The following SRP19 variants were observed in gnomAD, a reference collection of about 807,000 sequenced individuals.
SRP19 encodes signal recognition particle 19 kDa protein.
SRP19 carries 11 observed loss-of-function variants against 22.4 expected under a neutral mutation model. The observed-to-expected ratio is 0.49, with a 90% confidence interval of 0.31 to 0.81. SRP19 has a LOEUF of 0.81. Ranked by LOEUF, SRP19 falls within the 40% of genes least tolerant of loss-of-function variation. SRP19 has a pLI of 0.05. For synonymous variants in SRP19, 61 were observed against 57.6 expected (o/e 1.06, Z -0.27); for missense variants, 168 against 175.9 (o/e 0.96, Z 0.25).
chr5:112,890,316 A>G (rs1055897266), intron 4 of SRP19, among the ~76,000 whole-genome samples: 2 of 150,306 alleles, frequency 1.3e-5, no homozygotes, highest in Non-Finnish European at 2.9e-5. Flanking sequence ...GTTGATATAT[A>G]AAACAACCTA....
At position 112,867,723 on chromosome 5, in the gene SRP19, C is replaced by T. The variant is rs1033002206; in HGVS notation, c.*186C>T. The T allele has an allele frequency of 1.4e-5, 18 of 1,305,552 alleles. No individual in the cohort carries two copies. The highest frequency in any genetic ancestry group is 7.0e-5 in the Admixed American group (2 of 28,462). The allele number at this position is 1,305,552 out of a possible 1,614,324, so 80.9% of individuals were successfully genotyped here. ...ATTTACATCAGAAGTTTGCATCTCG[C>T]GTATATGCCGTATAAAAGAATTTTT... On this transcript the variant is annotated 3_prime_UTR_variant, in exon 5 of 5. Transcript: ENST00000505459.
downstream of SRP19, among the ~76,000 whole-genome samples, chr5:112,873,922 G>A (rs1319595095): frequency 2.0e-5 from 3 of 152,014 alleles, no homozygotes; most frequent in Non-Finnish European, 4.4e-5. Flanking sequence ...TCAGCACTTT[G>A]GGAGGCTGAG....
downstream of SRP19, among the ~76,000 whole-genome samples, chr5:112,871,243 A>AT (rs10592964): frequency 0.035 from 3,300 of 93,904 alleles, 252 homozygotes; most frequent in East Asian, 0.099. Context: ...CAATCAGTGA[A>AT]TTTTTTTTTT....
intron 4 of SRP19, chr5:112,878,974 T>A: frequency 7.3e-7 from 1 of 1,376,574 alleles, no homozygotes; most frequent in Non-Finnish European, 1.0e-6. Context: ...ATGTTGGGGT[T>A]TGTGGTCTGG....
chr5:112,861,517 T>G, intron 1 of SRP19, 100 bp downstream of exon 1: 3 of 1,323,024 alleles, frequency 2.3e-6, no homozygotes, highest in Non-Finnish European at 3.2e-6. Context: ...CAGAATGGCC[T>G]AGCTGATCCA....
At chr5:112,864,335 GA>G (rs1238075442) in intron 2 of SRP19, 121 bp from the exon 3 acceptor site, 3 of 827,136 alleles carry the variant, frequency 3.6e-6, no homozygotes, top group African/African-American at 3.5e-5. Context: ...TGTACTTAAT[GA>G]AAAAGGAAAC....
downstream of SRP19, among the ~76,000 whole-genome samples, chr5:112,872,228 G>A (rs951629459): frequency 1.3e-5 from 2 of 151,886 alleles, no homozygotes; most frequent in African/African-American, 4.8e-5. Context: ...TGAAGGACCA[G>A]CAGCACTGGC....
At chr5:112,891,484 A>G in intron 4 of SRP19, 1 of 996,110 alleles carries the variant, frequency 1.0e-6, no homozygotes, top group African/African-American at 1.6e-5. Context: ...AACAAAATGA[A>G]AGTAATTTGT....
At chr5:112,878,673 C>T in intron 4 of SRP19, 2 of 1,445,204 alleles carry the variant, frequency 1.4e-6, no homozygotes, top group South Asian at 2.6e-5. Flanking sequence ...TTTAATATCT[C>T]AAAAATGTTT....
intron 4 of SRP19, chr5:112,876,473 T>C (rs965300371): frequency 6.6e-5 from 10 of 152,218 alleles, no homozygotes; most frequent in Non-Finnish European, 1.5e-4. Flanking sequence ...GTGAAGGGTG[T>C]GCTCATTTTC....
chr5:112,895,327 G>A (rs1768650041), downstream of SRP19: 1 of 150,948 alleles, frequency 6.6e-6, no homozygotes, highest in South Asian at 2.1e-4. Context: ...CTCTTCTGCA[G>A]AGTTTTAGGA....
downstream of SRP19, chr5:112,893,378 C>A (rs1336974751): frequency 1.0e-5 from 2 of 200,778 alleles, no homozygotes; most frequent in Non-Finnish European, 2.0e-5. Flanking sequence ...CCACTTCACT[C>A]CAGCCTGGGT....
chr5:112,889,898 C>G (rs1768381481), intron 4 of SRP19, among the ~76,000 whole-genome samples: 2 of 148,818 alleles, frequency 1.3e-5, no homozygotes, highest in African/African-American at 2.5e-5. Context: ...ACAATATCAG[C>G]TCACTGCAAC....
At chr5:112,866,689 C>T (rs1038233654) in intron 4 of SRP19, among the ~76,000 whole-genome samples, 5 of 152,126 alleles carry the variant, frequency 3.3e-5, no homozygotes, top group African/African-American at 1.2e-4. Context: ...TTGCTAGATG[C>T]TTCAGGTTGT....
chr5:112,874,884 T>C (rs1356086743), intron 4 of SRP19, among the ~76,000 whole-genome samples: 1 of 151,860 alleles, frequency 6.6e-6, no homozygotes, highest in Non-Finnish European at 1.5e-5. Context: ...CAAGCCATTC[T>C]CCTGCCTCAG....
chr5:112,867,225 G>A, intron 4 of SRP19, 179 bp from the exon 5 acceptor site: 1 of 635,432 alleles, frequency 1.6e-6, no homozygotes, highest in Non-Finnish European at 2.6e-6. Flanking sequence ...CTCACTCTCA[G>A]TACATTTCCC....
At chr5:112,891,817 G>C (rs1193622083) in exon 5 of SRP19, 22 of 1,588,946 alleles carry the variant, frequency 1.4e-5, no homozygotes, top group Admixed American at 3.3e-5. Flanking sequence ...TTTTATTGAA[G>C]AACAACAACT....
At chr5:112,892,598 T>C (rs1163853797) in exon 5 of SRP19, 1 of 1,614,184 alleles carries the variant, frequency 6.2e-7, no homozygotes, top group South Asian at 1.1e-5. Context: ...TGTGGTTTAT[T>C]TGAAATACAA....
chr5:112,883,752 A>G (rs1768146574), intron 4 of SRP19, among the ~76,000 whole-genome samples: 1 of 152,220 alleles, frequency 6.6e-6, no homozygotes, highest in Middle Eastern at 3.4e-3. Flanking sequence ...CCTCAAACAA[A>G]TGTCCAGGAC....
Sources: allele counts gnomAD v4.1 joint callset (sites outside exome capture counted in the v4.1 genomes callset), GRCh38; gene constraint gnomAD v4.1.1; transcripts MANE v1.5; gene names NCBI Gene and HGNC (gene_info 2026-07-23, HGNC 2026-07-21).